PCSK5: variants seen among roughly 807,000 people sequenced by gnomAD.
The protein encoded by PCSK5 is proprotein convertase subtilisin/kexin type 5, also known as prohormone convertase 5.
PCSK5 carries 129 observed loss-of-function variants against 233.2 expected under a neutral mutation model. The observed-to-expected ratio is 0.55, with a 90% confidence interval of 0.48 to 0.64. The LOEUF (loss-of-function observed/expected upper bound fraction) is 0.64, where lower values mean the gene tolerates loss of function less well. Ranked by LOEUF, PCSK5 falls within the 30% of genes least tolerant of loss-of-function variation. The pLI, the probability that PCSK5 is intolerant of heterozygous loss-of-function variation, is 0.00. For synonymous variants in PCSK5, 825 were observed against 879.2 expected, an observed-to-expected ratio of 0.94 and a Z score of 1.09; for missense variants, 2,076 against 2,430.1, an observed-to-expected ratio of 0.85 and a Z score of 3.06.
intron 8 of PCSK5, among the ~76,000 whole-genome samples, chr9:76,101,320 C>T (rs1172129237): frequency 2.0e-5 from 3 of 152,176 alleles, no homozygotes; most frequent in African/African-American, 7.2e-5. Flanking sequence ...GAAACTTCTT[C>T]TGTCGGTAGG....
chr9:76,130,559 A>C (rs1822719348), intron 9 of PCSK5, among the ~76,000 whole-genome samples: 1 of 152,208 alleles, frequency 6.6e-6, no homozygotes, highest in African/African-American at 2.4e-5. Flanking sequence ...TTTCAATATC[A>C]TGCAACAATC....
chr9:76,051,485 G>T (rs1829627067), intron 5 of PCSK5, among the ~76,000 whole-genome samples: 1 of 151,922 alleles, frequency 6.6e-6, no homozygotes, highest in East Asian at 1.9e-4. Flanking sequence ...TGGTACTTTG[G>T]TATTTTCCAG....
In PCSK5 at chr9:76,358,776, C is replaced by T. The variant is rs564194399; in HGVS notation, c.5518C>T (p.Arg1840Trp). The T allele has an allele frequency of 1.3e-5, 21 of 1,612,830 alleles. No individual in the cohort carries two copies. Among genetic ancestry groups the T allele is most frequent in the East Asian group, 2.2e-5 (1 of 44,888 alleles). The change falls in exon 38 of 38, where the codon CGG (arginine) becomes TGG (tryptophan). Residue 1840 changes from arginine to tryptophan, a missense_variant. Physicochemically the swap from Arg to Trp is moderately radical, Grantham distance 101. Transcript: ENST00000674117. Reference sequence around the variant, plus strand: ...GGATCAGGTGATTGAGTACAGGGATCGGGACTATGATGAGGATGATGATGA... The same window carrying T: ...GGATCAGGTGATTGAGTACAGGGATTGGGACTATGATGAGGATGATGATGA... ...EEDQVIEYRDRDYDEDDDDDI... is the reference protein window; with the variant it reads ...EEDQVIEYRDWDYDEDDDDDI...
chr9:76,359,627 G>A lies in PCSK5; in HGVS notation c.*705G>A, dbSNP rs1830392181. The A allele has an allele frequency of 6.6e-6, 1 of 152,158 alleles. No homozygotes were observed. The highest frequency in any genetic ancestry group is 2.1e-4 in the South Asian group (1 of 4,822). The allele number at this position is 152,158 out of a possible 1,614,324, so 9.4% of individuals were successfully genotyped here. ...AATCCAGAGTCACAACAATTCTAAA[G>A]GCAGAGCAAGCCCAGCGAGAAAGAA... On this transcript the variant is annotated 3_prime_UTR_variant, in exon 38 of 38. Coordinates refer to ENST00000674117, the MANE Select transcript of PCSK5 (RefSeq NM_001372043.1).
At chr9:76,352,973 C>T (rs1044001197) in intron 36 of PCSK5, among the ~76,000 whole-genome samples, 1 of 151,658 alleles carries the variant, frequency 6.6e-6, no homozygotes. Context: ...CACTTGAATC[C>T]GATCACACCA....
chr9:75,899,579 T>C (rs193097971), intron 1 of PCSK5, among the ~76,000 whole-genome samples: 2 of 152,334 alleles, frequency 1.3e-5, no homozygotes, highest in East Asian at 3.9e-4. Flanking sequence ...TCTGTTTCTA[T>C]GTAATCAACA....
In PCSK5 at chr9:76,078,089, A is replaced by C. The variant is rs899703090; in HGVS notation, c.894+6191A>C. On this transcript the variant is annotated intron_variant, in intron 7 of 37. Transcript: ENST00000674117. ...TTTGTTGTCTGCATGTATGTCCTCT[A>C]TTGAGAAGCGTCTGTTCATGTCTTT... Among the ~76,000 whole-genome samples, 30 of 152,166 alleles carry C rather than the reference A, an allele frequency of 2.0e-4. 1 individual carries two copies. The highest frequency in any genetic ancestry group is 1.8e-3 in the Admixed American group (28 of 15,278).
At chr9:76,349,669 A>G (rs1307350903) in intron 35 of PCSK5, among the ~76,000 whole-genome samples, 2 of 152,212 alleles carry the variant, frequency 1.3e-5, no homozygotes, top group African/African-American at 4.8e-5. Flanking sequence ...GATTGTTCTG[A>G]TGGGAAGACC....
At chr9:76,188,769 T>TTAAAG (rs1015650601) in intron 18 of PCSK5, 94 bp downstream of exon 18, 11 of 848,936 alleles carry the variant, frequency 1.3e-5, no homozygotes, top group Non-Finnish European at 1.9e-5. Flanking sequence ...CTTGATACTT[T>TTAAAG]TAAAGTAATG....
intron 5 of PCSK5, among the ~76,000 whole-genome samples, chr9:76,059,857 A>G (rs1252466118): frequency 1.3e-5 from 2 of 152,180 alleles, no homozygotes; most frequent in Non-Finnish European, 2.9e-5. Flanking sequence ...AGAAAAATAG[A>G]TTGCCCAAAT....
chr9:75,932,381 AG>A lies in PCSK5; in HGVS notation c.199del (p.Ala67ProfsTer2). The A allele has an allele frequency of 6.3e-7, 1 of 1,588,890 alleles. No homozygotes were observed. Among genetic ancestry groups the A allele is most frequent in the Non-Finnish European group, 8.6e-7 (1 of 1,158,134 alleles). On this transcript the variant is annotated frameshift_variant, in exon 2 of 38. Transcript: ENST00000674117. LOFTEE classifies it high-confidence loss of function. Reference protein sequence around the residue: ...KYGFINIGQIGALKDYYHFYH... With the variant: ...KYGFINIGQIXALKDYYHFYH... Reference sequence around the variant, plus strand: ...TCCTTCCCACCCTTCCTTTGCAGATAGGGGCCCTGAAGGACTACTACCACTT... The same window carrying A: ...TCCTTCCCACCCTTCCTTTGCAGATAGGGCCCTGAAGGACTACTACCACTT...
intron 13 of PCSK5, among the ~76,000 whole-genome samples, chr9:76,170,270 C>T (rs552514785): frequency 2.6e-5 from 4 of 152,328 alleles, no homozygotes; most frequent in East Asian, 1.9e-4. Flanking sequence ...ACATTGAGCT[C>T]GGCCCATGCC....
intron 7 of PCSK5, among the ~76,000 whole-genome samples, chr9:76,094,811 T>C (rs184609191): frequency 6.6e-6 from 1 of 152,232 alleles, no homozygotes; most frequent in Admixed American, 6.5e-5. Context: ...AGTTTCCCCA[T>C]GTTGGACAGG....
At chr9:76,043,953 A>C (rs754591730) in intron 5 of PCSK5, among the ~76,000 whole-genome samples, 1 of 152,098 alleles carries the variant, frequency 6.6e-6, no homozygotes, top group Non-Finnish European at 1.5e-5. Context: ...TTCTCTCTCT[A>C]TGTCCCATCA....
intron 27 of PCSK5, among the ~76,000 whole-genome samples, chr9:76,299,255 C>G (rs1035077679): frequency 7.2e-5 from 11 of 152,170 alleles, no homozygotes; most frequent in Non-Finnish European, 1.5e-4. Flanking sequence ...GTGCTCGACT[C>G]TCTGTTTTTT....
chr9:76,343,333 T>TTG (rs57513234), intron 35 of PCSK5, among the ~76,000 whole-genome samples: 26,561 of 132,606 alleles, frequency 0.2, 2,688 homozygotes, highest in East Asian at 0.43. Context: ...CCTGGGTAAT[T>TTG]TGTGTGTGTG....
chr9:76,076,603 G>A (rs1332567307), intron 7 of PCSK5, among the ~76,000 whole-genome samples: 4 of 152,160 alleles, frequency 2.6e-5, no homozygotes, highest in Admixed American at 6.5e-5. Context: ...AGTATTGATT[G>A]CATCCATTCT....
Position 76,338,231 on chromosome 9 carries a change from T to TA in PCSK5, c.4751dup (p.Tyr1584Ter). The TA allele has an allele frequency of 6.2e-7, 1 of 1,609,494 alleles. No individual in the cohort carries two copies. The highest frequency in any genetic ancestry group is 1.1e-5 in the South Asian group (1 of 90,560). ...TCTTTTCTTCTCCTTTGGTTTCAGATATTACGCAGACAACTCCACTGGCCG... is the reference window on the plus strand; with the variant it reads ...TCTTTTCTTCTCCTTTGGTTTCAGATAATTACGCAGACAACTCCACTGGCCG... ...KECLLQCREGYYADNSTGRCE... is the reference protein window; with the variant it reads ...KECLLQCREG The change falls in exon 35 of 38, where the codon TAT becomes TAAT. Residue 1584 changes from tyrosine (Y) to a stop codon, truncating the protein, a stop_gained and frameshift_variant and splice_region_variant. Transcript: ENST00000674117. LOFTEE classifies it high-confidence loss of function.
chr9:76,063,252 A>G (rs995169543), intron 5 of PCSK5, among the ~76,000 whole-genome samples: 3 of 143,800 alleles, frequency 2.1e-5, no homozygotes, highest in African/African-American at 7.7e-5. Context: ...CTCCCACCTT[A>G]GCCTCCTGAG....
Sources: allele counts gnomAD v4.1 joint callset (sites outside exome capture counted in the v4.1 genomes callset), GRCh38; gene constraint gnomAD v4.1.1; transcripts MANE v1.5; gene names NCBI Gene and HGNC (gene_info 2026-07-23, HGNC 2026-07-21).